CCDC136: variants seen among roughly 807,000 people sequenced by gnomAD.
CCDC136 encodes the protein coiled-coil domain containing 136, also known as coiled-coil domain-containing protein 136.
A neutral mutation model predicts 141.2 loss-of-function variants in CCDC136; 100 were observed. The observed-to-expected ratio is 0.71, with a 90% CI of 0.60 to 0.84. CCDC136 has a LOEUF of 0.84. Among genes scored for constraint, CCDC136 ranks in the 40% least tolerant of loss-of-function variants. The pLI, the probability that CCDC136 is intolerant of heterozygous loss-of-function variation, is 0.00. For synonymous variants in CCDC136, 474 were observed against 531.9 expected, an observed-to-expected ratio of 0.89 and a Z score of 1.50; for missense variants, 1,206 against 1,379.4, an observed-to-expected ratio of 0.87 and a Z score of 1.99.
chr7:128,811,019 C>G (rs552559465), intron 12 of CCDC136, among the ~76,000 whole-genome samples: 1 of 152,312 alleles, frequency 6.6e-6, no homozygotes, highest in East Asian at 1.9e-4. Flanking sequence ...CCATACAATT[C>G]TCTTCAGGGT....
In CCDC136 at chr7:128,809,421, ACCCCCTCCACACCCG is replaced by A; in HGVS notation, c.1606-23_1606-9del. The A allele has an allele frequency of 2.2e-6, 3 of 1,373,984 alleles. No homozygotes were observed. The highest frequency in any genetic ancestry group is 3.0e-6 in the Non-Finnish European group (3 of 995,160). 85.1% of individuals were successfully genotyped at this position (1,373,984 alleles called of 1,614,324 possible). Reference sequence around the variant, plus strand: ...AAGAAGCTTACCTTACAGAGTAACCACCCCCTCCACACCCGCCCCCACCCACAGTGTGACACACTG... The same window carrying A: ...AAGAAGCTTACCTTACAGAGTAACCACCCCCACCCACAGTGTGACACACTG... On this transcript the variant is annotated splice_polypyrimidine_tract_variant and intron_variant, in intron 10 of 17. Coordinates refer to ENST00000297788, the MANE Select transcript of CCDC136 (RefSeq NM_022742.5).
intron 3 of CCDC136, among the ~76,000 whole-genome samples, chr7:128,800,481 G>C (rs1334573958): frequency 6.7e-6 from 1 of 148,502 alleles, no homozygotes; most frequent in East Asian, 2.0e-4. Flanking sequence ...TTTTAGCGAA[G>C]ACTGGGTTTC....
At position 128,806,231 on chromosome 7, in the gene CCDC136, C is replaced by G. The variant is rs372361455; in HGVS notation, c.1090-6C>G. On this transcript the variant is annotated splice_polypyrimidine_tract_variant and splice_region_variant and intron_variant, in intron 7 of 17. Transcript: ENST00000297788. ...AACTGTTCTACTCACATCCTCCCTA[C>G]CACAGAATGAGGAGCTGAAGTCCAG... is the stretch of plus-strand genomic sequence containing the variant. 3 of 1,554,882 alleles carry G rather than the reference C, an allele frequency of 1.9e-6. No individual in the cohort carries two copies. In the East Asian group the frequency reaches 7.1e-5, roughly 37 times the overall value.
At chr7:128,811,154 G>A in intron 12 of CCDC136, 2 of 372,070 alleles carry the variant, frequency 5.4e-6, no homozygotes, top group South Asian at 2.1e-5. Context: ...AGTAGCAGAA[G>A]TCAACACTGT....
At chr7:128,791,483 C>T (rs1802151827), upstream of CCDC136, 4 of 1,321,422 alleles carry the variant, frequency 3.0e-6, no homozygotes, top group Non-Finnish European at 3.8e-6. This position sits in a 1 kb window ranked among gnomAD's most constrained non-coding sequence, Gnocchi z 7.1. Flanking sequence ...AAGGCGGCGG[C>T]GGGAGCGGTC....
At position 128,815,669 on chromosome 7, in the gene CCDC136, CAAAAGAGGAGGAAAA is replaced by C. The variant is rs1436505461; in HGVS notation, c.3102_3116del (p.Glu1038_Glu1042del). 4 of 1,554,968 alleles carry C rather than the reference CAAAAGAGGAGGAAAA, an allele frequency of 2.6e-6. No individual in the cohort carries two copies. Among genetic ancestry groups the C allele is most frequent in the Non-Finnish European group, 3.5e-6 (4 of 1,149,268 alleles). ...AGCCAGAGGAAATTAGATGGACTAGCAAAAGAGGAGGAAAAGAAAGAGGAGATGGAGGAGGAAAAA... is the reference window on the plus strand; with the variant it reads ...AGCCAGAGGAAATTAGATGGACTAGCGAAAGAGGAGATGGAGGAGGAAAAA... On this transcript the variant is annotated inframe_deletion, in exon 16 of 18. Coordinates refer to ENST00000297788, the MANE Select transcript of CCDC136 (RefSeq NM_022742.5).
Position 128,811,847 on chromosome 7 carries a change from T to C in CCDC136, c.2076T>C (p.Tyr692=). 2 of 1,608,790 alleles carry C rather than the reference T, an allele frequency of 1.2e-6. No homozygotes were observed. Among genetic ancestry groups the C allele is most frequent in the African/African-American group, 1.3e-5 (1 of 74,570 alleles). ...MEQMQALQVM[Y]DAGQAKQELL... ...AGATGCAGGCCCTGCAGGTGATGTA[T>C]GACGCCGGTCAGGCGAAGCAGGAGC... Residue 692 remains tyrosine, a synonymous_variant, in exon 13 of 18, where the codon TAT becomes TAC. Transcript: ENST00000297788.
intron 16 of CCDC136, among the ~76,000 whole-genome samples, chr7:128,816,471 C>T (rs1585126555): frequency 1.3e-5 from 2 of 152,108 alleles, no homozygotes; most frequent in East Asian, 3.8e-4. Flanking sequence ...AAGGTGGGGC[C>T]TGGAAGTGAT....
Position 128,804,733 on chromosome 7 carries a change from G to A in CCDC136, c.754G>A (p.Gly252Arg). ...GCAGGAGAGCAACAGCAGCCTCACG[G>A]GGCAGCTTGCAGATCTGGAGAGTGA... is the stretch of plus-strand genomic sequence containing the variant. ...ALQESNSSLTGQLADLESERT... is the reference protein window; with the variant it reads ...ALQESNSSLTRQLADLESERT... Residue 252 changes from glycine to arginine, a missense_variant, in exon 5 of 18, where the codon GGG (glycine) becomes AGG (arginine). Transcript: ENST00000297788. 1 of 1,599,860 alleles carries A rather than the reference G, an allele frequency of 6.3e-7. No homozygotes were observed. The highest frequency in any genetic ancestry group is 8.5e-7 in the Non-Finnish European group (1 of 1,173,148).
intron 15 of CCDC136, 62 bp downstream of exon 15, chr7:128,814,981 T>C (rs1806369077): frequency 7.4e-7 from 1 of 1,359,166 alleles, no homozygotes; most frequent in Non-Finnish European, 1.0e-6. Context: ...GGAAGAAGCA[T>C]TGCCTCCACA....
At chr7:128,791,032 C>G (rs1010861267), upstream of CCDC136, 1 of 154,520 alleles carries the variant, frequency 6.5e-6, no homozygotes, top group East Asian at 1.9e-4. This position sits in a 1 kb window ranked among gnomAD's most constrained non-coding sequence, Gnocchi z 7.1. Flanking sequence ...CGTGTCTGCG[C>G]TTTTGGAGGA....
chr7:128,816,417 G>T (rs1416451605), intron 16 of CCDC136, among the ~76,000 whole-genome samples: 1 of 152,170 alleles, frequency 6.6e-6, no homozygotes, highest in Non-Finnish European at 1.5e-5. Context: ...TCTCTTCTTT[G>T]TAGGCTCATG....
In CCDC136 at chr7:128,807,389, G is replaced by A; in HGVS notation, c.1449G>A (p.Glu483=). The A allele has an allele frequency of 6.4e-7, 1 of 1,569,704 alleles. No homozygotes were observed. The highest frequency in any genetic ancestry group is 8.6e-7 in the Non-Finnish European group (1 of 1,158,086). The change falls in exon 10 of 18, where the codon GAG becomes GAA. Residue 483 remains glutamate (E), a synonymous_variant. Coordinates refer to ENST00000297788, the MANE Select transcript of CCDC136 (RefSeq NM_022742.5). The part of the protein sequence containing the change: ...KDTETHAQLQ[E]MKQLYQASKD... The stretch of plus-strand genomic sequence containing the variant: ...CAGAGACGCACGCTCAGCTTCAGGA[G>A]ATGAAGCAGCTGTACCAGGCCAGCA...
rs1202172292 is a variant in CCDC136 at position 128,810,237 on chromosome 7, CTG to C, written c.1903_1904del (p.Val635IlefsTer28). ...EQKKLIQNQD[C>X]VLKEQLEIHE... The stretch of plus-strand genomic sequence containing the variant: ...AGAAGAAGCTGATACAGAACCAAGA[CTG>C]TGTATTAAAAGAACAATTAGAGATC... On this transcript the variant is annotated frameshift_variant, in exon 12 of 18. Transcript: ENST00000297788. LOFTEE classifies it high-confidence loss of function. 1.9e-6 allele frequency: 3 copies of C among 1,612,996 alleles called. No individual in the cohort carries two copies. The highest frequency in any genetic ancestry group is 1.7e-6 in the Non-Finnish European group (2 of 1,179,446).
Position 128,819,089 on chromosome 7 carries a change from G to A in CCDC136, c.*5+1225G>A, listed in dbSNP as rs569432940. Among the ~76,000 whole-genome samples the A allele has an allele frequency of 9.2e-5, 14 of 152,260 alleles. No homozygotes were observed. In the South Asian group the frequency reaches 2.1e-3, roughly 23 times the overall value. ...CCTGGTCCACAACTGCTTTAGTGAC[G>A]GGGCCCCTCTCTATGACTGTTTCTC... On this transcript the variant is annotated intron_variant, in intron 17 of 17. Coordinates refer to ENST00000297788, the MANE Select transcript of CCDC136 (RefSeq NM_022742.5).
chr7:128,791,845 C>G, upstream of CCDC136: 1 of 382,512 alleles, frequency 2.6e-6, no homozygotes, highest in African/African-American at 2.1e-5. The surrounding 1 kb of genome is among the most constrained non-coding windows in gnomAD (Gnocchi z 7.1). Context: ...CTCCTGCAGC[C>G]CCGGAGACTC....
In CCDC136 at chr7:128,806,830, T is replaced by C; in HGVS notation, c.1391T>C (p.Val464Ala). 1 of 1,611,488 alleles carries C rather than the reference T, an allele frequency of 6.2e-7. No homozygotes were observed. Among genetic ancestry groups the C allele is most frequent in the South Asian group, 1.1e-5 (1 of 90,780 alleles). ...EAELQHLRDT[V>A]ASFKESNEKD... Reference sequence around the variant, plus strand: ...GAGCTGCAGCACCTCAGGGATACGGTGGCCTCCTTCAAAGAGAGCAATGAG... The same window carrying C: ...GAGCTGCAGCACCTCAGGGATACGGCGGCCTCCTTCAAAGAGAGCAATGAG... Residue 464 changes from valine to alanine, a missense_variant, in exon 9 of 18, where the codon GTG (valine) becomes GCG (alanine). Val to Ala is a moderately conservative substitution (Grantham distance 64, BLOSUM62 0). Coordinates refer to ENST00000297788, the MANE Select transcript of CCDC136 (RefSeq NM_022742.5).
upstream of CCDC136, chr7:128,791,702 C>T (rs904113214): frequency 6.1e-6 from 3 of 490,056 alleles, no homozygotes; most frequent in Non-Finnish European, 9.7e-6. This position sits in a 1 kb window ranked among gnomAD's most constrained non-coding sequence, Gnocchi z 7.1. Context: ...CACCGGGGCC[C>T]GGTCTCCATC....
At position 128,817,905 on chromosome 7, in the gene CCDC136, G is replaced by A. The variant is rs1806895444; in HGVS notation, c.*5+41G>A. On this transcript the variant is annotated intron_variant, in intron 17 of 17. Transcript: ENST00000297788. This position sits in a 1 kb window ranked among gnomAD's most constrained non-coding sequence, Gnocchi z 4.6. ...CCTCTCCTTCTGAGGGATAGAGGGAGGGTGCAGGTTGCCCTGGCCTCTCCT... is the reference window on the plus strand; with the variant it reads ...CCTCTCCTTCTGAGGGATAGAGGGAAGGTGCAGGTTGCCCTGGCCTCTCCT... 6 of 1,514,362 alleles carry A rather than the reference G, an allele frequency of 4.0e-6. No individual in the cohort carries two copies. Among genetic ancestry groups the A allele is most frequent in the Non-Finnish European group, 5.5e-6 (6 of 1,090,402 alleles). 93.8% of individuals were successfully genotyped at this position (1,514,362 alleles called of 1,614,324 possible).
Sources: gnomAD v4.1 joint callset for allele counts (sites outside exome capture counted in the v4.1 genomes callset) on GRCh38, gnomAD v4.1.1 for gene constraint, Gnocchi (gnomAD v3.1) non-coding constraint, MANE v1.5 for transcripts, NCBI Gene and HGNC (gene_info 2026-07-23, HGNC 2026-07-21) for gene names.